The following CSMD1 variants were observed in gnomAD, a reference collection of about 807,000 sequenced individuals.
CSMD1 encodes CUB and Sushi multiple domains 1.
Under a neutral mutation model 417.5 loss-of-function variants are expected in CSMD1, and 213 were observed. That is an observed-to-expected ratio of 0.51 (90% CI 0.46 to 0.57). The LOEUF is 0.57. Among genes scored for constraint, CSMD1 ranks in the 20% least tolerant of loss-of-function variants. The probability of loss-of-function intolerance (pLI) is 0.00; values close to 1 mark genes in which losing one functional copy is unlikely to be tolerated. For missense variants in CSMD1, 6,923 were observed against 4,529.7 expected, an observed-to-expected ratio of 1.53 and a Z score of -15.17; for synonymous variants, 2,862 against 1,736.8, an observed-to-expected ratio of 1.65 and a Z score of -16.11.
intron 2 of CSMD1, among the ~76,000 whole-genome samples, chr8:4,444,346 C>CAAAAAAAAAAAAAAAAAAAAAAAAAAA (rs112028005): frequency 6.5e-5 from 3 of 46,278 alleles, no homozygotes; most frequent in African/African-American, 2.1e-4. Flanking sequence ...GACTCCATCT[C>CAAAAAAAAAAAAAAAAAAAAAAAAAAA]AAAAAAAAAA....
intron 1 of CSMD1, among the ~76,000 whole-genome samples, chr8:4,860,724 T>A (rs1343983920): frequency 6.6e-6 from 1 of 152,330 alleles, no homozygotes; most frequent in African/African-American, 2.4e-5. Flanking sequence ...TACATTTATG[T>A]AACATACAGT....
At chr8:4,078,836 G>C (rs1272121586) in intron 3 of CSMD1, among the ~76,000 whole-genome samples, 2 of 145,478 alleles carry the variant, frequency 1.4e-5, no homozygotes, top group Non-Finnish European at 3.0e-5. Context: ...AGGAGTTCAA[G>C]ATTATGTTGG....
chr8:4,765,191 C>A (rs1812384482), intron 1 of CSMD1, among the ~76,000 whole-genome samples: 1 of 151,960 alleles, frequency 6.6e-6, no homozygotes, highest in African/African-American at 2.4e-5. Flanking sequence ...AAACTGTGTT[C>A]TTCCGTCTCA....
At chr8:4,793,190 G>C (rs752290289) in intron 1 of CSMD1, among the ~76,000 whole-genome samples, 1 of 151,972 alleles carries the variant, frequency 6.6e-6, no homozygotes, top group Non-Finnish European at 1.5e-5. Context: ...GTAATTATGA[G>C]TAAATAAAAA....
intron 1 of CSMD1, among the ~76,000 whole-genome samples, chr8:4,753,599 C>T (rs542060705): frequency 6.6e-6 from 1 of 152,184 alleles, no homozygotes; most frequent in Admixed American, 6.5e-5. Flanking sequence ...ATGAACCTGA[C>T]ATCCTCACAG....
chr8:4,632,163 G>A (rs538539642), intron 2 of CSMD1, among the ~76,000 whole-genome samples: 113 of 152,294 alleles, frequency 7.4e-4, no homozygotes, highest in African/African-American at 2.6e-3. Flanking sequence ...GTTGGGTTCC[G>A]TGCACAGTGG....
intron 3 of CSMD1, among the ~76,000 whole-genome samples, chr8:4,313,463 A>ATGCAGGAACCC (rs1798743621): frequency 6.6e-6 from 1 of 150,378 alleles, no homozygotes. Context: ...AATGTTAGCA[A>ATGCAGGAACCC]TGCAGGAACC....
At chr8:4,593,725 T>G (rs1351398851) in intron 2 of CSMD1, among the ~76,000 whole-genome samples, 1 of 152,184 alleles carries the variant, frequency 6.6e-6, no homozygotes, top group Non-Finnish European at 1.5e-5. Flanking sequence ...TCTCTTAATT[T>G]TTCCAACAAT....
At chr8:4,611,740 A>G (rs1801186365) in intron 2 of CSMD1, among the ~76,000 whole-genome samples, 1 of 152,124 alleles carries the variant, frequency 6.6e-6, no homozygotes, top group South Asian at 2.1e-4. Flanking sequence ...ATATATTCTC[A>G]TTTGTGAGTC....
intron 33 of CSMD1, among the ~76,000 whole-genome samples, chr8:3,198,780 C>G (rs1433198514): frequency 6.6e-6 from 1 of 152,064 alleles, no homozygotes; most frequent in East Asian, 1.9e-4. Flanking sequence ...GTAATAGTAT[C>G]AATAATGTTT....
At chr8:3,110,021 A>G (rs956462512) in intron 43 of CSMD1, 137 bp downstream of exon 43, 4 of 723,754 alleles carry the variant, frequency 5.5e-6, no homozygotes, top group Non-Finnish European at 8.7e-6. Context: ...ATATCTCTGG[A>G]TTTCGTTGGT....
At chr8:3,370,724 C>A (rs1448521235) in intron 18 of CSMD1, among the ~76,000 whole-genome samples, 1 of 152,176 alleles carries the variant, frequency 6.6e-6, no homozygotes, top group Non-Finnish European at 1.5e-5. Flanking sequence ...CCTGTAATCC[C>A]AGCACTTTGG....
At chr8:3,388,977 G>C (rs5023366) in intron 17 of CSMD1, among the ~76,000 whole-genome samples, 9 of 151,498 alleles carry the variant, frequency 5.9e-5, no homozygotes, top group African/African-American at 2.2e-4. Flanking sequence ...ACTTCTTCCA[G>C]GACACTCCCA....
chr8:3,993,669 A>T (rs1814931854), intron 5 of CSMD1, among the ~76,000 whole-genome samples: 1 of 152,216 alleles, frequency 6.6e-6, no homozygotes, highest in Non-Finnish European at 1.5e-5. Context: ...AATAGAGCTT[A>T]CACCTTAAAA....
chr8:3,452,765 G>A (rs555987818), intron 12 of CSMD1, among the ~76,000 whole-genome samples: 1 of 152,206 alleles, frequency 6.6e-6, no homozygotes, highest in African/African-American at 2.4e-5. Context: ...CAGGGATATT[G>A]GTCTAAAATT....
chr8:3,682,124 G>A (rs1365494723), intron 7 of CSMD1, among the ~76,000 whole-genome samples: 6 of 152,288 alleles, frequency 3.9e-5, no homozygotes, highest in African/African-American at 1.4e-4. Flanking sequence ...TCAGGACATA[G>A]GCATGGGCAA....
At chr8:4,321,785 T>C (rs150832667) in intron 3 of CSMD1, among the ~76,000 whole-genome samples, 2 of 152,294 alleles carry the variant, frequency 1.3e-5, no homozygotes, top group South Asian at 4.1e-4. Flanking sequence ...TTTACAATTT[T>C]TTTTCTAAAT....
intron 3 of CSMD1, among the ~76,000 whole-genome samples, chr8:4,137,990 G>C (rs902166540): frequency 1.4e-5 from 2 of 142,770 alleles, no homozygotes; most frequent in Non-Finnish European, 3.0e-5. Context: ...CCATTCTCCC[G>C]CCTCAGCCTC....
rs575311107 is a variant in CSMD1 at position 3,990,707 on chromosome 8, A to C, written c.818+7196T>G. Reference sequence around the variant, plus strand: ...GTGAAGAAATCTCAAATTCAGGCTTAATTCTAGGCAATAAGACAGTCGATG... The same window carrying C: ...GTGAAGAAATCTCAAATTCAGGCTTCATTCTAGGCAATAAGACAGTCGATG... On this transcript the variant is annotated intron_variant, in intron 5 of 69. Coordinates refer to ENST00000635120, the MANE Select transcript of CSMD1 (RefSeq NM_033225.6). Among the ~76,000 whole-genome samples the C allele has an allele frequency of 2.0e-5, 3 of 152,338 alleles. No individual in the cohort carries two copies. The South Asian group carries it at 6.2e-4, about 32-fold the overall frequency.
Sources: allele counts gnomAD v4.1 joint callset (sites outside exome capture counted in the v4.1 genomes callset), GRCh38; gene constraint gnomAD v4.1.1; transcripts MANE v1.5; gene names NCBI Gene and HGNC (gene_info 2026-07-23, HGNC 2026-07-21).